MCM3AP: variants seen among roughly 807,000 people sequenced by gnomAD.
MCM3AP encodes minichromosome maintenance complex component 3 associated protein.
In MCM3AP, 126 loss-of-function variants were observed where a neutral mutation model predicts 184.1. The observed-to-expected ratio is 0.68, with a 90% CI of 0.59 to 0.79. The LOEUF (loss-of-function observed/expected upper bound fraction) is 0.79, where lower values mean the gene tolerates loss of function less well. MCM3AP is among the 30% of genes least tolerant of loss of function. MCM3AP has a pLI of 0.00. For missense variants in MCM3AP, 2,496 were observed against 2,479.2 expected (o/e 1.01, Z -0.14); for synonymous variants, 1,002 against 979.3 (o/e 1.02, Z -0.43).
intron 9 of MCM3AP, among the ~76,000 whole-genome samples, chr21:46,269,069 T>C (rs371770323): frequency 6.6e-6 from 1 of 152,184 alleles, no homozygotes; most frequent in African/African-American, 2.4e-5. Flanking sequence ...TTATTAAAAA[T>C]GGTCAACATT....
rs750793341 is a variant in MCM3AP at position 46,272,597 on chromosome 21, T to C, written c.2429A>G (p.Asn810Ser). Reference protein sequence around the residue: ...CASEAEFQGYNVLLSLNKGDI... With the variant: ...CASEAEFQGYSVLLSLNKGDI... ...TCCCTTGTTGAGACTGAGCAGAACA[T>C]TGTAGCCCTGGAACTCCGCTTCGCT... Residue 810 changes from asparagine to serine, a missense_variant, in exon 8 of 28, where the codon AAT becomes AGT. Physicochemically the swap from Asn to Ser is conservative, Grantham distance 46 (BLOSUM62 1). Coordinates refer to ENST00000291688, the MANE Select transcript of MCM3AP (RefSeq NM_003906.5). 1.5e-5 allele frequency: 25 copies of C among 1,614,090 alleles called. No individual in the cohort carries two copies. In the Admixed American group the frequency reaches 3.5e-4, roughly 23 times the overall value.
chr21:46,270,178 C>T, intron 9 of MCM3AP: 1 of 395,838 alleles, frequency 2.5e-6, no homozygotes, highest in Non-Finnish European at 4.5e-6. Flanking sequence ...TTATTTGAAC[C>T]ATGGAACAGT....
rs2080716650 is a variant in MCM3AP, at chr21:46,243,736, G to A, written c.5039-14C>T. ...GGAGCCAGGGGGCTGGGGAGAAAGT[G>A]CCTCATTAGTTACAGGTTTGGCCAA... On this transcript the variant is annotated splice_polypyrimidine_tract_variant and intron_variant, in intron 23 of 27. Transcript: ENST00000291688. 6 of 1,612,228 alleles carry A rather than the reference G, an allele frequency of 3.7e-6. No individual in the cohort carries two copies. Among genetic ancestry groups the A allele is most frequent in the African/African-American group, 2.7e-5 (2 of 74,906 alleles).
At position 46,270,381 on chromosome 21, in the gene MCM3AP, A is replaced by C. The variant is rs1263405215; in HGVS notation, c.2628+20T>G. 2.5e-6 allele frequency: 4 copies of C among 1,598,300 alleles called. No individual in the cohort carries two copies. In the South Asian group the frequency reaches 4.5e-5, roughly 18 times the overall value. ...CCACCTGCTTTCTTCCAACTCTGCA[A>C]GCACAGCTCATTTACTCACCTGACT... On this transcript the variant is annotated intron_variant, in intron 9 of 27. Coordinates refer to ENST00000291688, the MANE Select transcript of MCM3AP (RefSeq NM_003906.5).
chr21:46,256,396 G>A (rs1457234742), intron 17 of MCM3AP: 1 of 200,254 alleles, frequency 5.0e-6, no homozygotes, highest in Non-Finnish European at 1.0e-5. Flanking sequence ...GACGGCGGGA[G>A]GAACAGAGGG....
chr21:46,277,194 C>A (rs868700535), intron 5 of MCM3AP, among the ~76,000 whole-genome samples: 22 of 152,164 alleles, frequency 1.4e-4, no homozygotes, highest in African/African-American at 4.8e-4. Context: ...AACATTGTAA[C>A]AGTGTAAGAA....
intron 20 of MCM3AP, 57 bp downstream of exon 20, chr21:46,251,472 G>T: frequency 7.0e-7 from 1 of 1,430,022 alleles, no homozygotes; most frequent in Non-Finnish European, 9.7e-7. Context: ...AGTGATATCT[G>T]GGAGTAAGTG....
At chr21:46,237,432 T>G (rs2080564001) in intron 26 of MCM3AP, among the ~76,000 whole-genome samples, 1 of 120,810 alleles carries the variant, frequency 8.3e-6, no homozygotes. Flanking sequence ...TTTGACAAGG[T>G]CTCGCTCTGT....
chr21:46,255,364 C>T (rs1486213721), intron 17 of MCM3AP, among the ~76,000 whole-genome samples: 1 of 152,002 alleles, frequency 6.6e-6, no homozygotes, highest in African/African-American at 2.4e-5. Flanking sequence ...TGCAGAGACT[C>T]GGGGAGCGCT....
At chr21:46,258,582 C>T (rs941921491) in intron 16 of MCM3AP, among the ~76,000 whole-genome samples, 20 of 152,218 alleles carry the variant, frequency 1.3e-4, no homozygotes, top group African/African-American at 4.6e-4. Flanking sequence ...GAGAATTCAC[C>T]CTTATTGGTG....
rs2081368779 is a variant in MCM3AP, at chr21:46,284,130, G to A, written c.1157C>T (p.Ala386Val). 1 of 1,614,160 alleles carries A rather than the reference G, an allele frequency of 6.2e-7. No homozygotes were observed. The highest frequency in any genetic ancestry group is 8.5e-7 in the Non-Finnish European group (1 of 1,180,022). ...ATTCACACCTGGAATCCGGGAAGGT[G>A]CCAGGACAGACTGATTCCCTCCTGG... ...AIPGGNQSVL[A>V]PSRIPGVNKE... The change falls in exon 1 of 28, where the codon GCA (alanine) becomes GTA (valine). Residue 386 changes from alanine to valine, a missense_variant. Ala to Val is a moderately conservative substitution (Grantham distance 64, BLOSUM62 0). Coordinates refer to ENST00000291688, the MANE Select transcript of MCM3AP (RefSeq NM_003906.5).
chr21:46,263,917 G>GT (rs955383116), intron 13 of MCM3AP, among the ~76,000 whole-genome samples, 200 bp downstream of exon 13: 1 of 151,148 alleles, frequency 6.6e-6, no homozygotes, highest in African/African-American at 2.4e-5. Flanking sequence ...AATTCGCATG[G>GT]TATCTCAGGA....
chr21:46,269,441 G>C (rs1182437423), intron 9 of MCM3AP, among the ~76,000 whole-genome samples: 2 of 152,238 alleles, frequency 1.3e-5, no homozygotes, highest in Non-Finnish European at 2.9e-5. Context: ...CAAGTGGCAA[G>C]TTGTGGAAAA....
At chr21:46,242,145 G>A (rs934922348) in intron 25 of MCM3AP, 7 of 152,398 alleles carry the variant, frequency 4.6e-5, no homozygotes, top group African/African-American at 1.5e-4. Context: ...CTTCCTTTCA[G>A]TATTTGTGCC....
chr21:46,261,341 C>A lies in MCM3AP; in HGVS notation c.3406G>T (p.Glu1136Ter). Residue 1136 changes from glutamate (E) to a stop codon, truncating the protein, a stop_gained, in exon 14 of 28, where the codon GAA (glutamate) becomes TAA (stop). Coordinates refer to ENST00000291688, the MANE Select transcript of MCM3AP (RefSeq NM_003906.5). LOFTEE classifies it high-confidence loss of function. The part of the protein sequence containing the change: ...TTGILRHIAA[E>*]EVSKERERRE... ...CGCTCTCTTTCCTTAGACACTTCTTCAGCTGCAATGTGCCTCAAAATGCCC... is the reference window on the plus strand; with the variant it reads ...CGCTCTCTTTCCTTAGACACTTCTTAAGCTGCAATGTGCCTCAAAATGCCC... 1 of 1,614,182 alleles carries A rather than the reference C, an allele frequency of 6.2e-7. No individual in the cohort carries two copies. The highest frequency in any genetic ancestry group is 8.5e-7 in the Non-Finnish European group (1 of 1,180,018).
At position 46,261,328 on chromosome 21, in the gene MCM3AP, T is replaced by C; in HGVS notation, c.3419A>G (p.Lys1140Arg). 1 of 1,614,182 alleles carries C rather than the reference T, an allele frequency of 6.2e-7. No individual in the cohort carries two copies. The highest frequency in any genetic ancestry group is 8.5e-7 in the Non-Finnish European group (1 of 1,180,034). The change falls in exon 14 of 28, where the codon AAG becomes AGG. Residue 1140 changes from lysine (K) to arginine (R), a missense_variant. By Grantham distance (26) the Lys-to-Arg change is conservative. Transcript: ENST00000291688. ...CTCCTGCTCCCTTCGCTCTCTTTCC[T>C]TAGACACTTCTTCAGCTGCAATGTG... ...LRHIAAEEVS[K>R]ERERREQERQ...
Position 46,273,487 on chromosome 21 carries a change from C to T in MCM3AP, c.2097G>A (p.Arg699=). 6.2e-7 allele frequency: 1 copy of T among 1,613,966 alleles called. No homozygotes were observed. The highest frequency in any genetic ancestry group is 1.3e-5 in the African/African-American group (1 of 75,066). The change falls in exon 7 of 28, where the codon AGG becomes AGA. Residue 699 remains arginine (R), a synonymous_variant. Coordinates refer to ENST00000291688, the MANE Select transcript of MCM3AP (RefSeq NM_003906.5). ...TCTGGGTCACCAGGTAGTCCATGGT[C>T]CTGCTGAGCACTGGCAAGGGCCGCA... ...HELRPLPVLS[R]TMDYLVTQIM...
intron 19 of MCM3AP, chr21:46,253,628 C>T (rs1471339192): frequency 6.6e-6 from 1 of 151,758 alleles, no homozygotes; most frequent in East Asian, 1.9e-4. Flanking sequence ...GTGACAACTC[C>T]CCTTCGCTGT....
chr21:46,257,705 G>T (rs2080978065), intron 16 of MCM3AP, among the ~76,000 whole-genome samples: 1 of 151,758 alleles, frequency 6.6e-6, no homozygotes, highest in Admixed American at 6.6e-5. Flanking sequence ...CGGATCACGA[G>T]GTCAGGAGTT....
Sources: gnomAD v4.1 joint callset for allele counts (sites outside exome capture counted in the v4.1 genomes callset) on GRCh38, gnomAD v4.1.1 for gene constraint, MANE v1.5 for transcripts, NCBI Gene and HGNC (gene_info 2026-07-23, HGNC 2026-07-21) for gene names.